Variants in CPQ observed in about 807,000 individuals in gnomAD.
CPQ encodes Ser-Met dipeptidase.
Under a neutral mutation model 45.7 loss-of-function variants are expected in CPQ, and 37 were observed. The ratio of observed to expected loss-of-function variants is 0.81; its 90% CI spans 0.62 to 1.07. The LOEUF (loss-of-function observed/expected upper bound fraction) is 1.07. Ranked by LOEUF, CPQ falls within the 50% of genes least tolerant of loss-of-function variation. The pLI is 0.00. For missense variants in CPQ, 537 were observed against 572.9 expected, an observed-to-expected ratio of 0.94 and a Z score of 0.64; for synonymous variants, 186 against 205.8, an observed-to-expected ratio of 0.90 and a Z score of 0.82.
At chr8:97,062,560 A>T (rs1428191120) in intron 6 of CPQ, among the ~76,000 whole-genome samples, 1 of 151,972 alleles carries the variant, frequency 6.6e-6, no homozygotes, top group Non-Finnish European at 1.5e-5. Context: ...TGTACAGATT[A>T]TTTTCTCTCC....
chr8:97,044,347 G>C (rs936973382), intron 6 of CPQ, among the ~76,000 whole-genome samples: 6 of 152,110 alleles, frequency 3.9e-5, no homozygotes, highest in Admixed American at 3.3e-4. Context: ...GCTCCTTTAA[G>C]CACTTCTCTG....
chr8:97,094,941 G>C (rs1271931289), intron 7 of CPQ, among the ~76,000 whole-genome samples: 1 of 152,056 alleles, frequency 6.6e-6, no homozygotes, highest in Non-Finnish European at 1.5e-5. Context: ...AATTGAACTG[G>C]TGCATTCTAG....
intron 1 of CPQ, among the ~76,000 whole-genome samples, chr8:96,709,243 C>T (rs1391196603): frequency 6.6e-6 from 1 of 152,018 alleles, no homozygotes; most frequent in Non-Finnish European, 1.5e-5. Flanking sequence ...TCCCTCACCC[C>T]TCTCCCACCC....
At chr8:96,931,702 G>A (rs1378234328) in intron 4 of CPQ, among the ~76,000 whole-genome samples, 3 of 152,134 alleles carry the variant, frequency 2.0e-5, no homozygotes, top group Admixed American at 6.5e-5. Flanking sequence ...ACACGACAGT[G>A]GTCTGAGTGT....
At position 96,997,173 on chromosome 8, in the gene CPQ, T is replaced by A. The variant is rs558860110; in HGVS notation, c.961+31127T>A. ...GCATTCACAAGTCCACTTTTAGTTTTTTCTCTACCAATTAAAGTCCTCTTA... is the reference window on the plus strand; with the variant it reads ...GCATTCACAAGTCCACTTTTAGTTTATTCTCTACCAATTAAAGTCCTCTTA... On this transcript the variant is annotated intron_variant, in intron 5 of 7. Transcript: ENST00000220763. Among the ~76,000 whole-genome samples the A allele has an allele frequency of 1.5e-3, 223 of 152,140 alleles. 1 individual carries two copies. Among genetic ancestry groups the A allele is most frequent in the Non-Finnish European group, 3.0e-3 (202 of 67,954 alleles).
chr8:96,990,881 A>G (rs549971057), intron 5 of CPQ, among the ~76,000 whole-genome samples: 1 of 152,270 alleles, frequency 6.6e-6, no homozygotes, highest in South Asian at 2.1e-4. Flanking sequence ...ATTCTAAGCA[A>G]AGGAGCTTCT....
chr8:97,054,107 T>G (rs1027119823), intron 6 of CPQ, among the ~76,000 whole-genome samples: 3 of 151,992 alleles, frequency 2.0e-5, no homozygotes, highest in African/African-American at 7.2e-5. Context: ...GTAAAAAGTA[T>G]AGAGTTCAAT....
intron 1 of CPQ, among the ~76,000 whole-genome samples, chr8:96,697,352 G>A (rs1018630107): frequency 6.6e-6 from 1 of 152,060 alleles, no homozygotes; most frequent in African/African-American, 2.4e-5. Context: ...TGAAAAACTG[G>A]ATATAGAATG....
At chr8:96,916,197 C>T (rs1289755336) in intron 4 of CPQ, among the ~76,000 whole-genome samples, 4 of 151,930 alleles carry the variant, frequency 2.6e-5, no homozygotes, top group Non-Finnish European at 5.9e-5. Context: ...CCCAGTTGGC[C>T]CAAATTGGTT....
At chr8:96,647,430 A>G (rs4128135) in intron 1 of CPQ, among the ~76,000 whole-genome samples, 88,614 of 152,002 alleles carry the variant, frequency 0.58, 28,367 homozygotes, top group Non-Finnish European at 0.72. Context: ...TTTTACTTAT[A>G]TTGCCCCATT....
At position 96,957,792 on chromosome 8, in the gene CPQ, G is replaced by A. The variant is rs370669281; in HGVS notation, c.850-8143G>A. ...CCGGCCTGGGTGACTGAGTGAAACT[G>A]TGTCTCAAAAAAACAAAAAAAAAAA... On this transcript the variant is annotated intron_variant, in intron 4 of 7. Coordinates refer to ENST00000220763, the MANE Select transcript of CPQ (RefSeq NM_016134.4). Among the ~76,000 whole-genome samples the A allele has an allele frequency of 1.4e-3, 206 of 149,994 alleles. 1 individual carries two copies. Among genetic ancestry groups the A allele is most frequent in the African/African-American group, 4.9e-3 (201 of 40,844 alleles).
intron 2 of CPQ, 68 bp from the exon 3 acceptor site, chr8:96,834,905 T>C: frequency 7.1e-7 from 1 of 1,406,516 alleles, no homozygotes; most frequent in Non-Finnish European, 9.9e-7. Context: ...GTATGTGACC[T>C]TTCCTGTGCC....
intron 1 of CPQ, among the ~76,000 whole-genome samples, chr8:96,744,126 A>G (rs913965952): frequency 3.3e-5 from 5 of 152,286 alleles, no homozygotes; most frequent in Non-Finnish European, 7.3e-5. Flanking sequence ...GCAATCAGCA[A>G]GACTCTGTGG....
At chr8:96,655,454 G>T (rs994565518) in intron 1 of CPQ, among the ~76,000 whole-genome samples, 3 of 151,780 alleles carry the variant, frequency 2.0e-5, no homozygotes, top group African/African-American at 7.3e-5. Context: ...TTTGTGTATT[G>T]TTTCTCAAAT....
rs150780552 is a variant in CPQ at position 97,046,108 on chromosome 8, T to C, written c.1053+16614T>C. On this transcript the variant is annotated intron_variant, in intron 6 of 7. Coordinates refer to ENST00000220763, the MANE Select transcript of CPQ (RefSeq NM_016134.4). Reference sequence around the variant, plus strand: ...TATATTAACCAAATCCTGTGGTGTCTTAAAGATACCATGTGTGCCCTGAGA... The same window carrying C: ...TATATTAACCAAATCCTGTGGTGTCCTAAAGATACCATGTGTGCCCTGAGA... Among the ~76,000 whole-genome samples the C allele has an allele frequency of 3.9e-5, 6 of 152,356 alleles. No individual in the cohort carries two copies. In the East Asian group the frequency reaches 1.2e-3, roughly 29 times the overall value.
intron 3 of CPQ, among the ~76,000 whole-genome samples, chr8:96,846,198 G>C (rs1811687487): frequency 6.6e-6 from 1 of 152,100 alleles, no homozygotes. Flanking sequence ...CCACATTCTT[G>C]CCAAAATTTA....
At position 96,687,149 on chromosome 8, in the gene CPQ, TTTTTC is replaced by T. The variant is rs539313283; in HGVS notation, c.-35+41771_-35+41775del. On this transcript the variant is annotated intron_variant, in intron 1 of 7. Coordinates refer to ENST00000220763, the MANE Select transcript of CPQ (RefSeq NM_016134.4). ...GGTTTACTTATTCTTTCACATTCCA[TTTTTC>T]TTTTCTTTTCTTTTCTTTTCTTTCT... Among the ~76,000 whole-genome samples the T allele has an allele frequency of 3.9e-3, 584 of 151,606 alleles. 5 individuals carry two copies. The highest frequency in any genetic ancestry group is 0.013 in the African/African-American group (553 of 41,256).
intron 1 of CPQ, among the ~76,000 whole-genome samples, chr8:96,742,486 A>T (rs1383790357): frequency 6.6e-6 from 1 of 151,550 alleles, no homozygotes; most frequent in Non-Finnish European, 1.5e-5. Context: ...TTTAAAGTTA[A>T]TATTGTTATG....
intron 5 of CPQ, among the ~76,000 whole-genome samples, chr8:97,015,925 A>G (rs1038400754): frequency 6.6e-6 from 1 of 152,170 alleles, no homozygotes; most frequent in African/African-American, 2.4e-5. Flanking sequence ...TTGTACGTAC[A>G]TATTTGTATA....
Sources: gnomAD v4.1 joint callset for allele counts (sites outside exome capture counted in the v4.1 genomes callset) on GRCh38, gnomAD v4.1.1 for gene constraint, MANE v1.5 for transcripts, NCBI Gene and HGNC (gene_info 2026-07-23, HGNC 2026-07-21) for gene names.